The following PRKCB variants were observed in gnomAD, a reference collection of about 807,000 sequenced individuals.
The protein encoded by PRKCB is protein kinase C beta.
PRKCB carries 13 observed loss-of-function variants against 81.5 expected under a neutral mutation model. The ratio of observed to expected loss-of-function variants is 0.16; its 90% CI spans 0.10 to 0.25. The LOEUF (loss-of-function observed/expected upper bound fraction) is 0.25. PRKCB is among the 10% of genes least tolerant of loss of function. The probability of loss-of-function intolerance (pLI) is 1.00; values close to 1 mark genes in which losing one functional copy is unlikely to be tolerated. For missense variants in PRKCB, 509 were observed against 875.7 expected (o/e 0.58, Z 5.29); for synonymous variants, 335 against 321.4 (o/e 1.04, Z -0.45).
chr16:23,979,733 G>T (rs1216087880), intron 2 of PRKCB, among the ~76,000 whole-genome samples: 1 of 152,162 alleles, frequency 6.6e-6, no homozygotes, highest in Non-Finnish European at 1.5e-5. Context: ...GAGAGTGTGG[G>T]CTCTAGAGGA....
At chr16:23,868,076 C>T (rs752020934) in intron 2 of PRKCB, among the ~76,000 whole-genome samples, 1 of 152,180 alleles carries the variant, frequency 6.6e-6, no homozygotes, top group African/African-American at 2.4e-5. Context: ...ACACTGACCT[C>T]AGCCTTTTGC....
In PRKCB at chr16:24,162,441, A is replaced by ATTTT. The variant is rs1567397400; in HGVS notation, c.1239+7584_1239+7585insTTTT. Reference sequence around the variant, plus strand: ...CAATAGCTCCAAAAAAACAGAGAAGACTTTTTTTTTTTTTTTTTTTTTTTT... The same window carrying ATTTT: ...CAATAGCTCCAAAAAAACAGAGAAGATTTTCTTTTTTTTTTTTTTTTTTTTTTTT... On this transcript the variant is annotated intron_variant, in intron 10 of 16. Coordinates refer to ENST00000643927, the MANE Select transcript of PRKCB (RefSeq NM_002738.7). Among the ~76,000 whole-genome samples, 16 of 119,796 alleles carry ATTTT rather than the reference A, an allele frequency of 1.3e-4. 1 individual carries two copies. Among genetic ancestry groups the ATTTT allele is most frequent in the Non-Finnish European group, 2.0e-4 (12 of 59,082 alleles). The allele number at this position is 119,796 out of a possible 152,430, so 78.6% of individuals were successfully genotyped here. A position where few individuals can be genotyped will look rare whatever the true frequency, so the allele number is the denominator to read the frequency against.
At chr16:24,176,993 C>T (rs967635624) in intron 12 of PRKCB, among the ~76,000 whole-genome samples, 6 of 152,060 alleles carry the variant, frequency 3.9e-5, no homozygotes, top group Non-Finnish European at 8.8e-5. Flanking sequence ...AGACAGGCAT[C>T]ATGGGTGATT....
chr16:23,916,718 T>C (rs527979529), intron 2 of PRKCB, among the ~76,000 whole-genome samples: 4 of 152,306 alleles, frequency 2.6e-5, no homozygotes, highest in Admixed American at 2.6e-4. Context: ...CTTCACAATA[T>C]CCTGTATCTT....
At chr16:23,951,666 A>C (rs1252585974) in intron 2 of PRKCB, among the ~76,000 whole-genome samples, 1 of 147,190 alleles carries the variant, frequency 6.8e-6, no homozygotes, top group Non-Finnish European at 1.5e-5. Flanking sequence ...CATCCTCCCA[A>C]CTTAGCCTCC....
intron 2 of PRKCB, among the ~76,000 whole-genome samples, chr16:23,874,506 T>C (rs960261050): frequency 1.3e-5 from 2 of 152,128 alleles, no homozygotes; most frequent in Non-Finnish European, 2.9e-5. Context: ...GTATGTAATA[T>C]TTTGAAACAT....
chr16:23,959,099 G>T (rs567405643), intron 2 of PRKCB, among the ~76,000 whole-genome samples: 3 of 152,096 alleles, frequency 2.0e-5, no homozygotes, highest in African/African-American at 7.2e-5. Flanking sequence ...TAGAGCAGCC[G>T]GCTCATTGTA....
intron 2 of PRKCB, among the ~76,000 whole-genome samples, chr16:23,935,188 A>G (rs1238603556): frequency 1.3e-5 from 2 of 152,164 alleles, no homozygotes; most frequent in African/African-American, 4.8e-5. Context: ...TAAATGCCCC[A>G]ATGCCCTGCC....
At chr16:24,056,621 A>T (rs1298845011) in intron 5 of PRKCB, among the ~76,000 whole-genome samples, 1 of 152,086 alleles carries the variant, frequency 6.6e-6, no homozygotes, top group Non-Finnish European at 1.5e-5. Context: ...ATGTCACCTA[A>T]ACGAGTTCTC....
At chr16:23,982,079 CTTTCCCTTCCCTTTCCT>C in intron 2 of PRKCB, among the ~76,000 whole-genome samples, 1 of 115,256 alleles carries the variant, frequency 8.7e-6, no homozygotes, top group Admixed American at 8.4e-5. Flanking sequence ...TTTCCCTTCC[CTTTCCCTTCCCTTTCCT>C]TTTCCCTTCC....
chr16:24,000,594 G>A (rs1214772097), intron 3 of PRKCB, among the ~76,000 whole-genome samples: 2 of 152,214 alleles, frequency 1.3e-5, no homozygotes, highest in African/African-American at 4.8e-5. Flanking sequence ...ATGAGAAAGA[G>A]TTCACAAACA....
intron 2 of PRKCB, among the ~76,000 whole-genome samples, chr16:23,936,577 T>TA (rs1964060647): frequency 1.0e-5 from 1 of 97,668 alleles, no homozygotes; most frequent in Non-Finnish European, 2.0e-5. Flanking sequence ...CACACCCAAC[T>TA]AATTTTTTTT....
At chr16:24,055,638 G>A (rs545318750) in intron 5 of PRKCB, among the ~76,000 whole-genome samples, 3 of 152,284 alleles carry the variant, frequency 2.0e-5, no homozygotes, top group South Asian at 4.1e-4. Context: ...GAGAAATCCC[G>A]ACCTAAGCAG....
chr16:23,850,639 A>G (rs1962457415), intron 2 of PRKCB, among the ~76,000 whole-genome samples: 1 of 152,190 alleles, frequency 6.6e-6, no homozygotes, highest in African/African-American at 2.4e-5. Flanking sequence ...TGCTGGAATT[A>G]CAGGTGTCAG....
rs560101263 is a variant in PRKCB, at chr16:23,953,060, C to T, written c.206-35448C>T. On this transcript the variant is annotated intron_variant, in intron 2 of 16. Coordinates refer to ENST00000643927, the MANE Select transcript of PRKCB (RefSeq NM_002738.7). ...CTAGAGCATTCTCCATGCATTATTG[C>T]GTTTAATCATCATGCCACCCCAATG... 1.8e-4 allele frequency among the ~76,000 whole-genome samples: 28 copies of T among 152,262 alleles called. 1 individual carries two copies. Among genetic ancestry groups the T allele is most frequent in the Admixed American group, 1.2e-3 (18 of 15,292 alleles).
At chr16:24,021,650 G>T (rs1965406344) in intron 3 of PRKCB, among the ~76,000 whole-genome samples, 1 of 151,988 alleles carries the variant, frequency 6.6e-6, no homozygotes, top group Non-Finnish European at 1.5e-5. Flanking sequence ...ACACTGAGGG[G>T]TTCCCACTCG....
At chr16:24,172,201 C>G in intron 10 of PRKCB, 69 bp from the exon 11 acceptor site, 1 of 1,120,858 alleles carries the variant, frequency 8.9e-7, no homozygotes. Flanking sequence ...TCCAGCTCTT[C>G]CCCCACTGTC....
chr16:23,873,062 G>A (rs3785401), intron 2 of PRKCB, among the ~76,000 whole-genome samples: 107,234 of 149,148 alleles, frequency 0.72, 38,982 homozygotes, highest in East Asian at 0.95. Flanking sequence ...GTGTGGTAGC[G>A]GATGCCTGTA....
At chr16:24,026,709 T>C (rs1965484159) in intron 3 of PRKCB, among the ~76,000 whole-genome samples, 1 of 152,176 alleles carries the variant, frequency 6.6e-6, no homozygotes, top group Admixed American at 6.6e-5. Context: ...GTGTCCTAGG[T>C]CTTGGAGAGG....
Sources: gnomAD v4.1 joint callset for allele counts (sites outside exome capture counted in the v4.1 genomes callset) on GRCh38, gnomAD v4.1.1 for gene constraint, MANE v1.5 for transcripts, NCBI Gene and HGNC (gene_info 2026-07-23, HGNC 2026-07-21) for gene names.